Variants in ULK4 observed in about 807,000 individuals in gnomAD.
The protein encoded by ULK4 is unc-51 like kinase 4, also known as inactive serine/threonine-protein kinase ULK4.
ULK4 carries 133 observed loss-of-function variants against 160.6 expected under a neutral mutation model. The ratio of observed to expected loss-of-function variants is 0.83; its 90% CI spans 0.72 to 0.96. The LOEUF is 0.96. Among genes scored for constraint, ULK4 ranks in the 40% least tolerant of loss-of-function variants. The pLI is 0.00. For synonymous variants in ULK4, 534 were observed against 539.8 expected (o/e 0.99, Z 0.15); for missense variants, 1,580 against 1,499.5 (o/e 1.05, Z -0.89).
chr3:41,702,503 A>G (rs578207566), intron 27 of ULK4, among the ~76,000 whole-genome samples: 2 of 152,234 alleles, frequency 1.3e-5, no homozygotes, highest in African/African-American at 4.8e-5. Context: ...CTAAAACATA[A>G]AAGTAGATGT....
chr3:41,907,496 G>A (rs551910287), intron 12 of ULK4, among the ~76,000 whole-genome samples: 44 of 151,862 alleles, frequency 2.9e-4, no homozygotes, highest in African/African-American at 7.5e-4. Flanking sequence ...ACAGGGTCTC[G>A]CTATGTTGGC....
chr3:41,715,439 A>C lies in ULK4; in HGVS notation c.2577+8T>G, dbSNP rs990586828. On this transcript the variant is annotated splice_region_variant and intron_variant, in intron 24 of 36. Coordinates refer to ENST00000301831, the MANE Select transcript of ULK4 (RefSeq NM_017886.4). ...TTTATATCCTTTTCCTCCTCAATAC[A>C]ATAGTACCTGTGAAGTTACGAGGTG... 6.2e-6 allele frequency: 10 copies of C among 1,614,038 alleles called. No homozygotes were observed. The highest frequency in any genetic ancestry group is 3.3e-5 in the South Asian group (3 of 91,074).
chr3:41,794,691 G>GA (rs148265682), intron 20 of ULK4, among the ~76,000 whole-genome samples: 3,343 of 64,168 alleles, frequency 0.052, 170 homozygotes, highest in Middle Eastern at 0.095. Context: ...AAAAAACACA[G>GA]AAAAAAAAAC....
At position 41,954,644 on chromosome 3, in the gene ULK4, T is replaced by C. The variant is rs2272007; in HGVS notation, c.116A>G (p.Lys39Arg). 0.81 allele frequency: 1,300,122 copies of C among 1,613,112 alleles called. 533,999 individuals carry two copies. The highest frequency in any genetic ancestry group is 0.85 in the East Asian group (38,153 of 44,834). ...FVAILCTDKC[K>R]RPEITNWVRL... The stretch of plus-strand genomic sequence containing the variant: ...TACCCAGTTGGTTATTTCAGGCCTT[T>C]TGCACTTATCAGTACAAAGAATGGC... The change falls in exon 2 of 37, where the codon AAA becomes AGA. Residue 39 changes from lysine (K) to arginine (R), a missense_variant. Physicochemically the swap from Lys to Arg is conservative, Grantham distance 26. Coordinates refer to ENST00000301831, the MANE Select transcript of ULK4 (RefSeq NM_017886.4).
intron 12 of ULK4, 80 bp downstream of exon 12, chr3:41,907,765 A>T (rs926122232): frequency 2.2e-6 from 2 of 902,080 alleles, no homozygotes; most frequent in Non-Finnish European, 3.2e-6. Context: ...AATTATTAAC[A>T]TAATTCATTT....
intron 17 of ULK4, among the ~76,000 whole-genome samples, chr3:41,863,404 T>C (rs1315066827): frequency 6.6e-6 from 1 of 151,484 alleles, no homozygotes; most frequent in East Asian, 1.9e-4. Context: ...AGTCCTGAAA[T>C]CAGAGATCCC....
At chr3:41,592,680 C>T (rs371298535) in intron 31 of ULK4, among the ~76,000 whole-genome samples, 2 of 152,162 alleles carry the variant, frequency 1.3e-5, no homozygotes, top group East Asian at 3.8e-4. Context: ...CTTTAGTACA[C>T]TGTAATTTAA....
chr3:41,292,602 A>G (rs140451710), intron 35 of ULK4, among the ~76,000 whole-genome samples: 5,986 of 151,938 alleles, frequency 0.039, 291 homozygotes, highest in East Asian at 0.18. Context: ...AGCTGAGATC[A>G]TGCCACTGCA....
chr3:41,817,541 T>TGTTCTCACTTATAA (rs1268013255), intron 19 of ULK4, among the ~76,000 whole-genome samples: 1 of 152,168 alleles, frequency 6.6e-6, no homozygotes, highest in African/African-American at 2.4e-5. Context: ...AAATACCATG[T>TGTTCTCACTTATAA]GTTCTCACTT....
intron 29 of ULK4, among the ~76,000 whole-genome samples, chr3:41,667,628 G>A (rs2035391363): frequency 6.6e-6 from 1 of 152,140 alleles, no homozygotes; most frequent in South Asian, 2.1e-4. Flanking sequence ...GGCTGGAGAG[G>A]AGCACTCCTA....
intron 32 of ULK4, among the ~76,000 whole-genome samples, chr3:41,471,413 T>C (rs1477820925): frequency 6.6e-6 from 1 of 152,100 alleles, no homozygotes; most frequent in African/African-American, 2.4e-5. Flanking sequence ...ATGGGACTTA[T>C]CCCACTTATA....
chr3:41,829,783 A>G (rs2041506263), intron 18 of ULK4, among the ~76,000 whole-genome samples: 1 of 148,092 alleles, frequency 6.8e-6, no homozygotes, highest in Non-Finnish European at 1.5e-5. Flanking sequence ...TGACCCAGCC[A>G]TCCCATTACT....
At chr3:41,932,249 G>C (rs1699628841) in intron 4 of ULK4, among the ~76,000 whole-genome samples, 1 of 152,234 alleles carries the variant, frequency 6.6e-6, no homozygotes, top group East Asian at 1.9e-4. Context: ...TATAACCATA[G>C]TGGAAAACTT....
At chr3:41,575,727 G>A (rs566905535) in intron 31 of ULK4, among the ~76,000 whole-genome samples, 14 of 152,378 alleles carry the variant, frequency 9.2e-5, no homozygotes, top group African/African-American at 3.4e-4. Context: ...CAATCAGTAT[G>A]CTGAGCTTGT....
chr3:41,475,217 G>C (rs2084103958), intron 32 of ULK4, among the ~76,000 whole-genome samples: 1 of 152,172 alleles, frequency 6.6e-6, no homozygotes. Flanking sequence ...AAAGCATTAT[G>C]CTATGTGAAA....
intron 19 of ULK4, among the ~76,000 whole-genome samples, chr3:41,801,952 T>A (rs1296229926): frequency 6.6e-6 from 1 of 151,276 alleles, no homozygotes; most frequent in Admixed American, 6.6e-5. Context: ...GGCTGACAGA[T>A]AATTCTCATC....
intron 2 of ULK4, among the ~76,000 whole-genome samples, chr3:41,945,903 A>AC (rs1259728692): frequency 6.6e-6 from 1 of 152,156 alleles, no homozygotes; most frequent in Non-Finnish European, 1.5e-5. Flanking sequence ...CCAATCCATG[A>AC]CCAAAAACGA....
At chr3:41,639,884 C>T (rs1309351699) in intron 30 of ULK4, among the ~76,000 whole-genome samples, 2 of 152,038 alleles carry the variant, frequency 1.3e-5, no homozygotes, top group African/African-American at 4.8e-5. Context: ...AAGACTATTT[C>T]CTTTAAATAC....
At chr3:41,462,771 A>G (rs1349939491) in intron 33 of ULK4, among the ~76,000 whole-genome samples, 3 of 152,174 alleles carry the variant, frequency 2.0e-5, no homozygotes, top group Admixed American at 2.0e-4. Context: ...GGACATGAAA[A>G]GCTGCAAACT....
Sources: allele counts gnomAD v4.1 joint callset (sites outside exome capture counted in the v4.1 genomes callset), GRCh38; gene constraint gnomAD v4.1.1; transcripts MANE v1.5; gene names NCBI Gene and HGNC (gene_info 2026-07-23, HGNC 2026-07-21).